Variants in FHIP1A observed in about 807,000 individuals in gnomAD.
FHIP1A encodes the protein FHF complex subunit HOOK interacting protein 1A.
A neutral mutation model predicts 88.6 loss-of-function variants in FHIP1A; 61 were observed. That is an observed-to-expected ratio of 0.69 (90% confidence interval 0.56 to 0.85). FHIP1A has a LOEUF of 0.85. FHIP1A is among the 40% of genes least tolerant of loss of function. The pLI, the probability that FHIP1A is intolerant of heterozygous loss-of-function variation, is 0.00. For synonymous variants in FHIP1A, 478 were observed against 496.0 expected, an observed-to-expected ratio of 0.96 and a Z score of 0.48; for missense variants, 1,154 against 1,273.5, an observed-to-expected ratio of 0.91 and a Z score of 1.43.
intron 3 of FHIP1A, among the ~76,000 whole-genome samples, chr4:151,525,998 G>C (rs1200585886): frequency 1.3e-5 from 2 of 151,990 alleles, no homozygotes; most frequent in East Asian, 3.9e-4. Context: ...GTTTAACAAA[G>C]CACATCTTGC....
At chr4:151,657,909 A>G (rs1286944716) in intron 13 of FHIP1A, among the ~76,000 whole-genome samples, 1 of 152,180 alleles carries the variant, frequency 6.6e-6, no homozygotes, top group Non-Finnish European at 1.5e-5. Context: ...CACAGGCCCA[A>G]TGTCCCTTGA....
chr4:151,538,575 T>C (rs1487023067), intron 3 of FHIP1A, among the ~76,000 whole-genome samples: 1 of 152,210 alleles, frequency 6.6e-6, no homozygotes, highest in Non-Finnish European at 1.5e-5. Flanking sequence ...GCCATTACTA[T>C]TTCTCCATGG....
intron 2 of FHIP1A, among the ~76,000 whole-genome samples, chr4:151,455,480 T>C (rs1459636553): frequency 6.6e-6 from 1 of 152,290 alleles, no homozygotes; most frequent in South Asian, 2.1e-4. Context: ...GAGGCTGGAT[T>C]AGGAGTCTAG....
At chr4:151,618,310 G>T (rs2126859331) in intron 7 of FHIP1A, among the ~76,000 whole-genome samples, 1 of 152,324 alleles carries the variant, frequency 6.6e-6, no homozygotes, top group East Asian at 1.9e-4. Flanking sequence ...ATCAAAGAAT[G>T]CTTTGGGACA....
chr4:151,488,595 T>G (rs1310939768), intron 3 of FHIP1A, among the ~76,000 whole-genome samples: 1 of 152,252 alleles, frequency 6.6e-6, no homozygotes, highest in East Asian at 1.9e-4. Context: ...AGTGCTGTGA[T>G]TAGCGTGTGA....
chr4:151,577,108 A>G (rs535645498), intron 4 of FHIP1A, among the ~76,000 whole-genome samples: 13 of 152,286 alleles, frequency 8.5e-5, no homozygotes, highest in African/African-American at 2.4e-4. Flanking sequence ...TTCATCTAAC[A>G]TATCACTTAC....
At chr4:151,645,835 TC>T (rs1161349493) in intron 9 of FHIP1A, among the ~76,000 whole-genome samples, 3 of 152,124 alleles carry the variant, frequency 2.0e-5, no homozygotes, top group African/African-American at 7.2e-5. Context: ...GCTCAGGTTT[TC>T]TTGTCCCCAG....
At chr4:151,473,381 C>G (rs1004911276) in intron 2 of FHIP1A, among the ~76,000 whole-genome samples, 1 of 151,966 alleles carries the variant, frequency 6.6e-6, no homozygotes, top group African/African-American at 2.4e-5. Flanking sequence ...TTTCCCTACT[C>G]TAAGGCATTT....
chr4:151,647,201 A>G (rs1736831039), intron 10 of FHIP1A, among the ~76,000 whole-genome samples: 1 of 152,226 alleles, frequency 6.6e-6, no homozygotes, highest in Non-Finnish European at 1.5e-5. Context: ...GCAAAATTGC[A>G]TGCATTTGAT....
rs58538673 is a variant in FHIP1A, at chr4:151,496,716, C to CTTTTTTTTTTTTTTTTTTTTTTTTT, written c.-123+14085_-123+14086insTTTTTTTTTTTTTTTTTTTTTTTTT. 3.5e-4 allele frequency among the ~76,000 whole-genome samples: 36 copies of CTTTTTTTTTTTTTTTTTTTTTTTTT among 102,454 alleles called. 1 individual carries two copies. The highest frequency in any genetic ancestry group is 6.0e-4 in the African/African-American group (15 of 25,042). The allele number at this position is 102,454 out of a possible 152,430, so 67.2% of individuals were successfully genotyped here. On this transcript the variant is annotated intron_variant, in intron 3 of 13. Transcript: ENST00000435205. ...CACAGGAGCATACCACCACGTCCAG[C>CTTTTTTTTTTTTTTTTTTTTTTTTT]TTTTTTTTTTTTTTTTTGTATTTTT...
chr4:151,550,267 G>T (rs1050392961), intron 3 of FHIP1A, among the ~76,000 whole-genome samples: 1 of 152,002 alleles, frequency 6.6e-6, no homozygotes, highest in Admixed American at 6.6e-5. Flanking sequence ...ATTTTAAAAT[G>T]CACAATTAAG....
chr4:151,432,018 C>G (rs998511075), intron 1 of FHIP1A, among the ~76,000 whole-genome samples: 4 of 152,184 alleles, frequency 2.6e-5, no homozygotes, highest in Non-Finnish European at 5.9e-5. Context: ...TACAGCCTTT[C>G]CTCTGGAAGA....
At chr4:151,457,948 C>A (rs1366408984) in intron 2 of FHIP1A, among the ~76,000 whole-genome samples, 1 of 152,180 alleles carries the variant, frequency 6.6e-6, no homozygotes, top group Non-Finnish European at 1.5e-5. Flanking sequence ...TTGAAGCCTA[C>A]CAGTTTATGG....
In FHIP1A at chr4:151,458,169, G is replaced by A. The variant is rs1367942688; in HGVS notation, c.-248+3361G>A. 3.9e-5 allele frequency among the ~76,000 whole-genome samples: 6 copies of A among 152,332 alleles called. No homozygotes were observed. In the East Asian group the frequency reaches 1.2e-3, roughly 29 times the overall value. On this transcript the variant is annotated intron_variant, in intron 2 of 13. Coordinates refer to ENST00000435205, the MANE Select transcript of FHIP1A (RefSeq NM_001109977.3). ...GCCCATGTCGCAGAGGTCATAAGTA[G>A]CAGAGTGAAAGCCAGGTTTGTCTAA...
intron 9 of FHIP1A, among the ~76,000 whole-genome samples, chr4:151,643,000 G>A (rs953765508): frequency 6.6e-6 from 1 of 150,960 alleles, no homozygotes; most frequent in African/African-American, 2.4e-5. Flanking sequence ...GACCTCTGAA[G>A]TCAGATATTT....
intron 4 of FHIP1A, among the ~76,000 whole-genome samples, chr4:151,571,454 A>G (rs1733599263): frequency 6.6e-6 from 1 of 152,206 alleles, no homozygotes; most frequent in Non-Finnish European, 1.5e-5. Flanking sequence ...GGGAAAAAAC[A>G]GAACCATCTA....
In FHIP1A at chr4:151,498,460, C is replaced by T. The variant is rs186335003; in HGVS notation, c.-123+15812C>T. 1.5e-3 allele frequency among the ~76,000 whole-genome samples: 224 copies of T among 152,158 alleles called. 2 individuals are homozygous for T. The highest frequency in any genetic ancestry group is 7.2e-4 in the Non-Finnish European group (49 of 67,998). On this transcript the variant is annotated intron_variant, in intron 3 of 13. Transcript: ENST00000435205. ...CCAACATCTCCAGGGTAGGGGAGGGCGGTTTGGATAGGGGTAGCTGTGCTG... is the reference window on the plus strand; with the variant it reads ...CCAACATCTCCAGGGTAGGGGAGGGTGGTTTGGATAGGGGTAGCTGTGCTG...
At chr4:151,474,384 C>T (rs922312474) in intron 2 of FHIP1A, among the ~76,000 whole-genome samples, 2 of 152,040 alleles carry the variant, frequency 1.3e-5, no homozygotes, top group Admixed American at 6.6e-5. Flanking sequence ...CCCCACAGTT[C>T]TAAAATACAG....
intron 1 of FHIP1A, among the ~76,000 whole-genome samples, chr4:151,442,396 T>C (rs1728446397): frequency 6.6e-6 from 1 of 152,128 alleles, no homozygotes; most frequent in South Asian, 2.1e-4. Context: ...TCAGCTAATC[T>C]ATATGGCACT....
Sources: gnomAD v4.1 joint callset for allele counts (sites outside exome capture counted in the v4.1 genomes callset) on GRCh38, gnomAD v4.1.1 for gene constraint, MANE v1.5 for transcripts, NCBI Gene and HGNC (gene_info 2026-07-23, HGNC 2026-07-21) for gene names.